ACACA: variants seen among roughly 807,000 people sequenced by gnomAD.
ACACA encodes the protein acetyl-CoA carboxylase 1.
Under a neutral mutation model 296.1 loss-of-function variants are expected in ACACA, and 103 were observed. That is an observed-to-expected ratio of 0.35 (90% CI 0.30 to 0.41). The LOEUF is 0.41. ACACA is among the 10% of genes least tolerant of loss of function. The probability of loss-of-function intolerance (pLI) is 1.00; values close to 1 mark genes in which losing one functional copy is unlikely to be tolerated. For synonymous variants in ACACA, 953 were observed against 1,038.6 expected, an observed-to-expected ratio of 0.92 and a Z score of 1.58; for missense variants, 1,554 against 2,989.7, an observed-to-expected ratio of 0.52 and a Z score of 11.20.
In ACACA at chr17:37,121,413, C is replaced by A; in HGVS notation, c.6216G>T (p.Arg2072=). 1 of 1,614,162 alleles carries A rather than the reference C, an allele frequency of 6.2e-7. No individual in the cohort carries two copies. Among genetic ancestry groups the A allele is most frequent in the Non-Finnish European group, 8.5e-7 (1 of 1,180,034 alleles). ...CAAAGACCATCAGAGGCAGCCCTTC[C>A]CGGTTGAAGTCCTTGATGGCCTGAT... is the stretch of plus-strand genomic sequence containing the variant. ...KTYQAIKDFN[R]EGLPLMVFAN... The change falls in exon 50 of 56, where the codon CGG becomes CGT. Residue 2072 remains arginine (R), a synonymous_variant. Transcript: ENST00000616317.
chr17:37,194,165 G>A (rs1404230652), intron 35 of ACACA, among the ~76,000 whole-genome samples: 4 of 152,066 alleles, frequency 2.6e-5, no homozygotes, highest in Non-Finnish European at 5.9e-5. Flanking sequence ...CGGATGGGAA[G>A]CTCTACTGGC....
chr17:37,345,672 C>A (rs948713655), intron 1 of ACACA, among the ~76,000 whole-genome samples: 1 of 152,276 alleles, frequency 6.6e-6, no homozygotes, highest in Non-Finnish European at 1.5e-5. Context: ...AGCAACTTCA[C>A]CTCTGCGGTA....
chr17:37,260,678 T>C (rs1205119288), intron 11 of ACACA, among the ~76,000 whole-genome samples: 2 of 152,022 alleles, frequency 1.3e-5, no homozygotes, highest in East Asian at 1.9e-4. Context: ...TGGAACATAG[T>C]CATGATAGTA....
intron 3 of ACACA, among the ~76,000 whole-genome samples, chr17:37,299,999 G>A (rs1487979894): frequency 6.6e-6 from 1 of 152,174 alleles, no homozygotes; most frequent in Non-Finnish European, 1.5e-5. Flanking sequence ...CACTACTAGG[G>A]AACTTAGAAT....
intron 1 of ACACA, among the ~76,000 whole-genome samples, chr17:37,404,090 T>C (rs970028480): frequency 2.6e-5 from 4 of 152,214 alleles, no homozygotes; most frequent in Non-Finnish European, 5.9e-5. Flanking sequence ...GCTATGTTTT[T>C]AACGACTAGA....
At chr17:37,339,911 C>T (rs2048310022) in intron 1 of ACACA, 61 bp from the exon 2 acceptor site, 1 of 866,922 alleles carries the variant, frequency 1.2e-6, no homozygotes, top group African/African-American at 1.6e-5. Flanking sequence ...TTTGTCAATT[C>T]CTGTTTTGCT....
chr17:37,390,330 A>ATATATATATATATATATATATC lies in ACACA; in HGVS notation c.38+15931_38+15932insGATATATATATATATATATATA, dbSNP rs1386032855. ...TATATATATATATATATATATATAT[A>ATATATATATATATATATATATC]TATAAAAGGCCAGCTGGGCCGGGCA... is the stretch of plus-strand genomic sequence containing the variant. On this transcript the variant is annotated intron_variant, in intron 1 of 55. Transcript: ENST00000616317. Among the ~76,000 whole-genome samples the ATATATATATATATATATATATC allele has an allele frequency of 3.5e-3, 144 of 41,476 alleles. 6 individuals are homozygous for ATATATATATATATATATATATC. The highest frequency in any genetic ancestry group is 5.6e-3 in the African/African-American group (44 of 7,818). 27.2% of individuals were successfully genotyped at this position (41,476 alleles called of 152,430 possible). A position where few individuals can be genotyped will look rare whatever the true frequency, so the allele number is the denominator to read the frequency against.
rs183540498 is a variant in ACACA, at chr17:37,263,585, A to G, written c.1329+100T>C. On this transcript the variant is annotated intron_variant, in intron 11 of 55. Coordinates refer to ENST00000616317, the MANE Select transcript of ACACA (RefSeq NM_198834.3). ...GGATATAATTTTATTAATTATTCAG[A>G]ATCGTTGCTTAAAATGCCATTGTTC... 9.8e-5 allele frequency: 100 copies of G among 1,023,732 alleles called. No individual in the cohort carries two copies. In the East Asian group the frequency reaches 2.3e-3, roughly 23 times the overall value. 63.4% of individuals were successfully genotyped at this position (1,023,732 alleles called of 1,614,324 possible).
intron 2 of ACACA, among the ~76,000 whole-genome samples, chr17:37,332,998 G>A (rs2047955223): frequency 6.6e-6 from 1 of 151,896 alleles, no homozygotes; most frequent in Non-Finnish European, 1.5e-5. Context: ...CTTGTATACT[G>A]ATGGAAGTTC....
In ACACA at chr17:37,363,179, C is replaced by CTTTTTTT. The variant is rs902746004; in HGVS notation, c.39-23336_39-23330dup. Among the ~76,000 whole-genome samples, 353 of 72,838 alleles carry CTTTTTTT rather than the reference C, an allele frequency of 4.8e-3. 1 individual carries two copies. The highest frequency in any genetic ancestry group is 5.8e-3 in the Non-Finnish European group (246 of 42,632). The allele number at this position is 72,838 out of a possible 152,430, so 47.8% of individuals were successfully genotyped here. A position where few individuals can be genotyped will look rare whatever the true frequency, so the allele number is the denominator to read the frequency against. ...CTTTTTCTTTTCTCTTTCTCTTTTT[C>CTTTTTTT]TTTTTTTTTTTTTTTTTTTTTTTGA... On this transcript the variant is annotated intron_variant, in intron 1 of 55. Transcript: ENST00000616317.
At chr17:37,156,078 T>G (rs939931951) in intron 42 of ACACA, among the ~76,000 whole-genome samples, 3 of 142,888 alleles carry the variant, frequency 2.1e-5, no homozygotes, top group Admixed American at 6.9e-5. Context: ...TTTTTTTTTT[T>G]GTTGAGATGG....
chr17:37,284,816 A>T (rs2082695169), intron 4 of ACACA, 22 bp downstream of exon 4: 2 of 1,614,028 alleles, frequency 1.2e-6, no homozygotes, highest in South Asian at 1.1e-5. Flanking sequence ...TTGACAAAAT[A>T]ATTCAGCAAG....
chr17:37,349,518 T>A (rs2147451871), intron 1 of ACACA, among the ~76,000 whole-genome samples: 1 of 147,668 alleles, frequency 6.8e-6, no homozygotes, highest in African/African-American at 2.5e-5. Context: ...ATCTTACATA[T>A]GTGTGTGTGT....
intron 50 of ACACA, among the ~76,000 whole-genome samples, chr17:37,119,789 T>C (rs948413089): frequency 1.3e-5 from 2 of 152,182 alleles, no homozygotes; most frequent in Middle Eastern, 3.2e-3. Context: ...TCCTCCCTCA[T>C]AGGCTGGGGG....
chr17:37,258,615 C>T (rs185441249), intron 12 of ACACA, among the ~76,000 whole-genome samples: 1 of 152,254 alleles, frequency 6.6e-6, no homozygotes, highest in East Asian at 1.9e-4. Context: ...GCAACAGACA[C>T]CAGTTCCCCT....
intron 1 of ACACA, among the ~76,000 whole-genome samples, chr17:37,377,439 C>A (rs560434106): frequency 3.3e-5 from 5 of 151,966 alleles, no homozygotes; most frequent in Admixed American, 1.3e-4. Context: ...GCAGGTGGAT[C>A]ACCTGAAGTA....
intron 42 of ACACA, 53 bp downstream of exon 42, chr17:37,161,728 C>T: frequency 1.9e-6 from 3 of 1,595,770 alleles, no homozygotes; most frequent in Non-Finnish European, 2.6e-6. Flanking sequence ...CCTCTCCACA[C>T]ATGTAGCATA....
At chr17:37,306,937 A>G (rs867969898) in intron 3 of ACACA, among the ~76,000 whole-genome samples, 88 of 152,122 alleles carry the variant, frequency 5.8e-4, no homozygotes, top group African/African-American at 2.0e-3. Flanking sequence ...GCCTCAACTG[A>G]TCCTCCCACC....
chr17:37,384,758 C>T (rs1233526832), intron 1 of ACACA, among the ~76,000 whole-genome samples: 1 of 152,198 alleles, frequency 6.6e-6, no homozygotes, highest in Non-Finnish European at 1.5e-5. Context: ...CACTGTCTTC[C>T]TGATTAAACT....
Sources: gnomAD v4.1 joint callset for allele counts (sites outside exome capture counted in the v4.1 genomes callset) on GRCh38, gnomAD v4.1.1 for gene constraint, MANE v1.5 for transcripts, NCBI Gene and HGNC (gene_info 2026-07-23, HGNC 2026-07-21) for gene names.